The following TBCD variants were observed in gnomAD, a reference collection of about 807,000 sequenced individuals.
TBCD encodes tubulin-specific chaperone D.
Under a neutral mutation model 169.3 loss-of-function variants are expected in TBCD, and 105 were observed. That is an observed-to-expected ratio of 0.62 (90% CI 0.53 to 0.73). The LOEUF (loss-of-function observed/expected upper bound fraction) is 0.73, where lower values mean the gene tolerates loss of function less well. Ranked by LOEUF, TBCD falls within the 30% of genes least tolerant of loss-of-function variation. The pLI, the probability that TBCD is intolerant of heterozygous loss-of-function variation, is 0.00. For synonymous variants in TBCD, 700 were observed against 643.9 expected, an observed-to-expected ratio of 1.09 and a Z score of -1.32; for missense variants, 1,444 against 1,600.1, an observed-to-expected ratio of 0.90 and a Z score of 1.66.
intron 13 of TBCD, chr17:82,859,854 A>G: frequency 1.0e-6 from 1 of 985,460 alleles, no homozygotes; most frequent in South Asian, 4.7e-5. Flanking sequence ...GGGAACAGAA[A>G]GAAAACCCTT....
At chr17:82,893,888 G>A (rs2059307941) in intron 17 of TBCD, among the ~76,000 whole-genome samples, 1 of 152,358 alleles carries the variant, frequency 6.6e-6, no homozygotes, top group East Asian at 1.9e-4. Flanking sequence ...AGCTTCAGGA[G>A]TGCGGCCTTG....
At chr17:82,899,733 G>T (rs1159151323) in intron 17 of TBCD, among the ~76,000 whole-genome samples, 1 of 152,194 alleles carries the variant, frequency 6.6e-6, no homozygotes, top group African/African-American at 2.4e-5. Context: ...GTATAATCTT[G>T]TACTTTCACC....
Position 82,922,297 on chromosome 17 carries a change from G to T in TBCD, c.2178+720G>T, listed in dbSNP as rs1323138370. 6.6e-6 allele frequency among the ~76,000 whole-genome samples: 1 copy of T among 152,080 alleles called. No homozygotes were observed. The highest frequency in any genetic ancestry group is 2.4e-5 in the African/African-American group (1 of 41,388). ...AATTGCTTGAACTTGGGAGGCGAAG[G>T]TTGCAGTGAACCGAGATCACGCCAT... On this transcript the variant is annotated intron_variant, in intron 25 of 38. Coordinates refer to ENST00000355528, the MANE Select transcript of TBCD (RefSeq NM_005993.5). This position sits in a 1 kb window ranked among gnomAD's most constrained non-coding sequence, Gnocchi z 4.1.
rs990382858 is a variant in TBCD, at chr17:82,929,352, T to A, written c.2853-10T>A. Reference sequence around the variant, plus strand: ...GGCAGCCCGGCCTTGTCTCACTCACTCTCTTGCAGGTCCGATGTGGCCTCC... The same window carrying A: ...GGCAGCCCGGCCTTGTCTCACTCACACTCTTGCAGGTCCGATGTGGCCTCC... On this transcript the variant is annotated splice_polypyrimidine_tract_variant and intron_variant, in intron 31 of 38. Transcript: ENST00000355528. 2 of 1,611,562 alleles carry A rather than the reference T, an allele frequency of 1.2e-6. No individual in the cohort carries two copies. The highest frequency in any genetic ancestry group is 1.7e-6 in the Non-Finnish European group (2 of 1,178,458).
intron 2 of TBCD, among the ~76,000 whole-genome samples, chr17:82,761,297 T>A (rs2047741538): frequency 6.6e-6 from 1 of 152,152 alleles, no homozygotes; most frequent in Admixed American, 6.6e-5. Context: ...AGCAGGTAAA[T>A]ATTATATGGT....
intron 23 of TBCD, 68 bp downstream of exon 23, chr17:82,911,857 C>A: frequency 1.3e-6 from 2 of 1,575,180 alleles, no homozygotes; most frequent in South Asian, 1.1e-5. Context: ...GAGGTGTGCT[C>A]GTGGCGTGCA....
At chr17:82,790,867 G>T (rs2049671419) in intron 7 of TBCD, among the ~76,000 whole-genome samples, 1 of 152,070 alleles carries the variant, frequency 6.6e-6, no homozygotes, top group Admixed American at 6.6e-5. Flanking sequence ...GAGAAGCTCA[G>T]ACCCCTCTCT....
rs1032511022 is a variant in TBCD, at chr17:82,905,799, G to A, written c.1805-137G>A. ...TGCCCTCCCGGCCCTGTGTGGGTGC[G>A]TGTGGGCTTCCCACAGGCCGTCCGT... On this transcript the variant is annotated intron_variant, in intron 19 of 38. Coordinates refer to ENST00000355528, the MANE Select transcript of TBCD (RefSeq NM_005993.5). 276 of 557,934 alleles carry A rather than the reference G, an allele frequency of 4.9e-4. 1 individual carries two copies. Among genetic ancestry groups the A allele is most frequent in the Admixed American group, 7.0e-4 (23 of 32,856 alleles). 34.6% of individuals were successfully genotyped at this position (557,934 alleles called of 1,614,324 possible). A position where few individuals can be genotyped will look rare whatever the true frequency, so the allele number is the denominator to read the frequency against.
At chr17:82,812,319 C>G (rs928228286) in intron 12 of TBCD, among the ~76,000 whole-genome samples, 3 of 152,194 alleles carry the variant, frequency 2.0e-5, no homozygotes, top group African/African-American at 2.4e-5. Context: ...GTGCCTCCCC[C>G]TCGCCCGCCG....
intron 6 of TBCD, among the ~76,000 whole-genome samples, chr17:82,773,558 G>T (rs565046527): frequency 4.6e-4 from 70 of 152,210 alleles, no homozygotes; most frequent in African/African-American, 1.6e-3. Flanking sequence ...CTCCCTACCG[G>T]GTGGCGCCAA....
intron 5 of TBCD, among the ~76,000 whole-genome samples, chr17:82,769,606 G>C (rs2048199746): frequency 6.6e-6 from 1 of 152,200 alleles, no homozygotes; most frequent in Non-Finnish European, 1.5e-5. Flanking sequence ...GCTGGGCATG[G>C]TGGGTCACTC....
At chr17:82,858,766 C>T (rs2056520265) in intron 13 of TBCD, 3 of 588,212 alleles carry the variant, frequency 5.1e-6, no homozygotes, top group Non-Finnish European at 6.4e-6. Context: ...TCGGTGTGAA[C>T]GGGCCCTGCT....
intron 28 of TBCD, chr17:82,926,882 G>C (rs555722492): frequency 2.0e-6 from 1 of 504,012 alleles, no homozygotes; most frequent in African/African-American, 1.9e-5. Context: ...CGGGGGCCAC[G>C]CACGCCCCCT....
Position 82,930,641 on chromosome 17 carries a change from G to C in TBCD, c.3111G>C (p.Glu1037Asp). 6.2e-7 allele frequency: 1 copy of C among 1,614,022 alleles called. No homozygotes were observed. The highest frequency in any genetic ancestry group is 8.5e-7 in the Non-Finnish European group (1 of 1,179,884). The change falls in exon 33 of 39, where the codon GAG (glutamate) becomes GAC (aspartate). Residue 1037 changes from glutamate to aspartate, a missense_variant and splice_region_variant. Coordinates refer to ENST00000355528, the MANE Select transcript of TBCD (RefSeq NM_005993.5). The surrounding 1 kb of genome is among the most constrained non-coding windows in gnomAD (Gnocchi z 5.2). ...LQIFEDNLLN[E>D]RVSVPLLKTL... ...TCTTTGAGGACAACCTTCTGAATGAGAGGTGAGTGGTGTCTCTTGGGGCCT... is the reference window on the plus strand; with the variant it reads ...TCTTTGAGGACAACCTTCTGAATGACAGGTGAGTGGTGTCTCTTGGGGCCT...
chr17:82,860,529 TTGAAAAGAAAGTTC>T, intron 13 of TBCD: 1 of 839,444 alleles, frequency 1.2e-6, no homozygotes, highest in Admixed American at 6.2e-5. Flanking sequence ...TTGGGATTGC[TTGAAAAGAAAGTTC>T]TAGCTTAGAA....
At position 82,801,230 on chromosome 17, in the gene TBCD, G is replaced by C. The variant is rs982383702; in HGVS notation, c.950+234G>C. On this transcript the variant is annotated intron_variant, in intron 9 of 38. Transcript: ENST00000355528. ...GGAGGGCAGGCCGAGCCGTAGGTGA[G>C]CGTCTGGTGTGGCTGGTGCTGTGGC... 2.0e-5 allele frequency among the ~76,000 whole-genome samples: 3 copies of C among 152,234 alleles called. No individual in the cohort carries two copies. In the East Asian group the frequency reaches 5.8e-4, roughly 29 times the overall value.
At chr17:82,839,381 G>A (rs542221059) in intron 13 of TBCD, among the ~76,000 whole-genome samples, 1 of 149,970 alleles carries the variant, frequency 6.7e-6, no homozygotes, top group African/African-American at 2.5e-5. Flanking sequence ...TCAGCCTAAT[G>A]TACATACACC....
chr17:82,856,574 G>A (rs1285812919), intron 13 of TBCD, among the ~76,000 whole-genome samples: 8 of 152,218 alleles, frequency 5.3e-5, no homozygotes, highest in Non-Finnish European at 1.0e-4. Context: ...GACAGAGCTT[G>A]ATGAATGCTA....
In TBCD at chr17:82,889,582, A is replaced by C. The variant is rs2058988479; in HGVS notation, c.1534-86A>C. On this transcript the variant is annotated intron_variant, in intron 15 of 38. Coordinates refer to ENST00000355528, the MANE Select transcript of TBCD (RefSeq NM_005993.5). This position sits in a 1 kb window ranked among gnomAD's most constrained non-coding sequence, Gnocchi z 5.3. ...TAAAAAATAAAGCCGTGGGTCATTCACGTTGTGCTGTTTGTTCTGAACTTG... is the reference window on the plus strand; with the variant it reads ...TAAAAAATAAAGCCGTGGGTCATTCCCGTTGTGCTGTTTGTTCTGAACTTG... 2 of 1,533,676 alleles carry C rather than the reference A, an allele frequency of 1.3e-6. No homozygotes were observed. The highest frequency in any genetic ancestry group is 2.7e-5 in the African/African-American group (2 of 73,310).
Sources: gnomAD v4.1 joint callset for allele counts (sites outside exome capture counted in the v4.1 genomes callset) on GRCh38, gnomAD v4.1.1 for gene constraint, Gnocchi (gnomAD v3.1) non-coding constraint, MANE v1.5 for transcripts, NCBI Gene and HGNC (gene_info 2026-07-23, HGNC 2026-07-21) for gene names.